Variants in POGZ observed in about 807,000 individuals in gnomAD.
POGZ encodes pogo transposable element with ZNF domain.
A neutral mutation model predicts 134.6 loss-of-function variants in POGZ; 17 were observed. The ratio of observed to expected loss-of-function variants is 0.13; its 90% confidence interval spans 0.09 to 0.19. The LOEUF (loss-of-function observed/expected upper bound fraction) is 0.19, where lower values mean the gene tolerates loss of function less well. Ranked by LOEUF, POGZ falls within the 10% of genes least tolerant of loss-of-function variation. The probability of loss-of-function intolerance (pLI) is 1.00; values close to 1 mark genes in which losing one functional copy is unlikely to be tolerated. For synonymous variants in POGZ, 693 were observed against 657.1 expected, an observed-to-expected ratio of 1.05 and a Z score of -0.84; for missense variants, 1,306 against 1,769.7, an observed-to-expected ratio of 0.74 and a Z score of 4.70.
intron 3 of POGZ, among the ~76,000 whole-genome samples, chr1:151,437,505 A>G (rs968637387): frequency 1.3e-5 from 2 of 152,154 alleles, no homozygotes; most frequent in African/African-American, 4.8e-5. Flanking sequence ...TAATCCCAGA[A>G]CGTTGAGAAG....
At chr1:151,411,548 G>T in intron 12 of POGZ, 77 bp downstream of exon 12, 3 of 1,024,482 alleles carry the variant, frequency 2.9e-6, no homozygotes, top group Non-Finnish European at 2.9e-6. Flanking sequence ...TATTTGCCTA[G>T]CTCAGCCCTG....
Position 151,459,328 on chromosome 1 carries a change from C to T in POGZ, c.-178G>A, listed in dbSNP as rs1663230769. ...CTCCCCAAGGGTGAAAGGAAGCCTC[C>T]CTCGGGTTCGAGTGATTCGGGGTGG... On this transcript the variant is annotated 5_prime_UTR_variant, in exon 1 of 19. Coordinates refer to ENST00000271715, the MANE Select transcript of POGZ (RefSeq NM_015100.4). 6.6e-6 allele frequency: 1 copy of T among 150,426 alleles called. No homozygotes were observed. The highest frequency in any genetic ancestry group is 1.5e-5 in the Non-Finnish European group (1 of 67,836). 9.3% of individuals were successfully genotyped at this position (150,426 alleles called of 1,614,324 possible). A position where few individuals can be genotyped will look rare whatever the true frequency, so the allele number is the denominator to read the frequency against.
intron 10 of POGZ, among the ~76,000 whole-genome samples, chr1:151,415,576 C>T: frequency 6.8e-6 from 1 of 146,498 alleles, no homozygotes; most frequent in East Asian, 2.0e-4. Context: ...GAGGCTGAGG[C>T]AGAAGAATGG....
At position 151,406,358 on chromosome 1, in the gene POGZ, T is replaced by C. The variant is rs777748452; in HGVS notation, c.2677A>G (p.Thr893Ala). ...KAATVKSAGA[T>A]PAEPEELLTP... ...AGTAGCTCTTCAGGCTCAGCTGGGG[T>C]GGCCCCCGCAGATTTCACAGTGGCA... is the stretch of plus-strand genomic sequence containing the variant. The change falls in exon 19 of 19, where the codon ACC (threonine) becomes GCC (alanine). Residue 893 changes from threonine to alanine, a missense_variant. Coordinates refer to ENST00000271715, the MANE Select transcript of POGZ (RefSeq NM_015100.4). 4 of 1,597,210 alleles carry C rather than the reference T, an allele frequency of 2.5e-6. No homozygotes were observed. The South Asian group carries it at 4.5e-5, about 18-fold the overall frequency.
chr1:151,420,452 G>C (rs1036804275), intron 10 of POGZ, among the ~76,000 whole-genome samples: 2 of 152,036 alleles, frequency 1.3e-5, no homozygotes, highest in African/African-American at 4.8e-5. Context: ...GAGTAGCTAC[G>C]ACTATAGGCG....
chr1:151,436,202 C>A (rs1659558983), intron 3 of POGZ, among the ~76,000 whole-genome samples: 1 of 152,142 alleles, frequency 6.6e-6, no homozygotes, highest in Non-Finnish European at 1.5e-5. Flanking sequence ...AGGTGATCCG[C>A]CTGCCTTGGC....
At chr1:151,458,613 C>G (rs1179176701) in intron 1 of POGZ, among the ~76,000 whole-genome samples, 13 of 147,838 alleles carry the variant, frequency 8.8e-5, no homozygotes, top group African/African-American at 2.9e-4. Flanking sequence ...CGCCGCCGCC[C>G]GCCCCTCCGC....
Position 151,406,137 on chromosome 1 carries a change from TCCACCACTA to T in POGZ, c.2889_2897del (p.Ser964_Gly966del), listed in dbSNP as rs1489870534. The T allele has an allele frequency of 6.2e-7, 1 of 1,614,066 alleles. No homozygotes were observed. Among genetic ancestry groups the T allele is most frequent in the African/African-American group, 1.3e-5 (1 of 74,922 alleles). On this transcript the variant is annotated inframe_deletion, in exon 19 of 19. Transcript: ENST00000271715. ...CAGACAGCTGCTCCTTTTTGCCAAC[TCCACCACTA>T]CCACCACCACCTGATGCTAGCTCAG...
At chr1:151,431,421 C>G (rs1458173522) in intron 3 of POGZ, among the ~76,000 whole-genome samples, 1 of 152,094 alleles carries the variant, frequency 6.6e-6, no homozygotes, top group East Asian at 1.9e-4. Context: ...TTAGCTAATC[C>G]CCCTTAATTT....
intron 10 of POGZ, among the ~76,000 whole-genome samples, chr1:151,413,400 T>C (rs528293401): frequency 4.4e-4 from 67 of 152,196 alleles, no homozygotes; most frequent in African/African-American, 1.6e-3. Context: ...AGTGCTAGAA[T>C]TACAGGTGTG....
At chr1:151,450,085 G>A (rs904631304) in intron 1 of POGZ, among the ~76,000 whole-genome samples, 6 of 127,314 alleles carry the variant, frequency 4.7e-5, no homozygotes, top group Admixed American at 4.0e-4. Context: ...AGGCTGCAGC[G>A]CAGAGGCACG....
At chr1:151,419,359 C>CA (rs1472083136) in intron 10 of POGZ, among the ~76,000 whole-genome samples, 7 of 148,492 alleles carry the variant, frequency 4.7e-5, no homozygotes, top group Admixed American at 2.7e-4. Flanking sequence ...GATTGTCTCC[C>CA]AAAAAAAAAG....
chr1:151,427,497 C>G lies in POGZ; in HGVS notation c.1078+326G>C, dbSNP rs1657977060. 4 of 304,936 alleles carry G rather than the reference C, an allele frequency of 1.3e-5. No homozygotes were observed. In the South Asian group the frequency reaches 1.3e-4, roughly 10 times the overall value. 18.9% of individuals were successfully genotyped at this position (304,936 alleles called of 1,614,324 possible). A position where few individuals can be genotyped will look rare whatever the true frequency, so the allele number is the denominator to read the frequency against. On this transcript the variant is annotated intron_variant, in intron 7 of 18. Transcript: ENST00000271715. ...AACCCTCATGCTCATCATTCTCAAC[C>G]TGAAGATCTCTCTACCAAATCCTAA...
At position 151,408,429 on chromosome 1, in the gene POGZ, C is replaced by T. The variant is rs1482076897; in HGVS notation, c.2214G>A (p.Gln738=). The change falls in exon 14 of 19, where the codon CAG becomes CAA. Residue 738 remains glutamine (Q), a synonymous_variant. Coordinates refer to ENST00000271715, the MANE Select transcript of POGZ (RefSeq NM_015100.4). ...CTGACATTTTCCTAACAGCTCTCTT[C>T]TGGATGCTGCGCTGGACAGGGGGAT... ...FLYPPVQRSI[Q]KRAVRKMSVM... 6.3e-7 allele frequency: 1 copy of T among 1,593,444 alleles called. No individual in the cohort carries two copies. The highest frequency in any genetic ancestry group is 8.5e-7 in the Non-Finnish European group (1 of 1,174,818).
chr1:151,442,007 TCA>T, intron 2 of POGZ, 72 bp downstream of exon 2: 1 of 1,126,244 alleles, frequency 8.9e-7, no homozygotes, highest in East Asian at 2.4e-5. Context: ...CTTTTCCATC[TCA>T]CACTTTGTTA....
chr1:151,426,393 G>T (rs192565824), intron 7 of POGZ: 2 of 151,972 alleles, frequency 1.3e-5, no homozygotes, highest in African/African-American at 4.8e-5. Context: ...CACCATTATT[G>T]GTCAGGCTGG....
At chr1:151,415,388 G>A (rs564352734) in intron 10 of POGZ, among the ~76,000 whole-genome samples, 9 of 152,258 alleles carry the variant, frequency 5.9e-5, no homozygotes, top group Admixed American at 4.6e-4. Flanking sequence ...GAAATGGGCC[G>A]GGTGTGGTGG....
intron 1 of POGZ, among the ~76,000 whole-genome samples, chr1:151,451,771 A>C (rs1662115771): frequency 6.6e-6 from 1 of 151,926 alleles, no homozygotes; most frequent in African/African-American, 2.4e-5. Flanking sequence ...AATATGGAAC[A>C]TTCTATAAAA....
At position 151,403,452 on chromosome 1, in the gene POGZ, AGGGGAACATTGT is replaced by A; in HGVS notation, c.*1338_*1349del. On this transcript the variant is annotated 3_prime_UTR_variant, in exon 19 of 19. Transcript: ENST00000271715. ...GCAGTTTGCCTCCTTGGCTCACAGGAGGGGAACATTGTGGAAAGCCTCAGGATAAACAGAAGA... is the reference window on the plus strand; with the variant it reads ...GCAGTTTGCCTCCTTGGCTCACAGGAGGAAAGCCTCAGGATAAACAGAAGA... 1 of 985,820 alleles carries A rather than the reference AGGGGAACATTGT, an allele frequency of 1.0e-6. No homozygotes were observed. The highest frequency in any genetic ancestry group is 1.2e-6 in the Non-Finnish European group (1 of 829,908). The allele number at this position is 985,820 out of a possible 1,614,324, so 61.1% of individuals were successfully genotyped here. A position where few individuals can be genotyped will look rare whatever the true frequency, so the allele number is the denominator to read the frequency against.
Sources: allele counts gnomAD v4.1 joint callset (sites outside exome capture counted in the v4.1 genomes callset), GRCh38; gene constraint gnomAD v4.1.1; transcripts MANE v1.5; gene names NCBI Gene and HGNC (gene_info 2026-07-23, HGNC 2026-07-21).